HS1BP3: variants seen among roughly 807,000 people sequenced by gnomAD.
The protein encoded by HS1BP3 is HCLS1-binding protein 3.
In HS1BP3, 32 loss-of-function variants were observed where a neutral mutation model predicts 33.5. The observed-to-expected ratio is 0.95, with a 90% confidence interval of 0.72 to 1.28. HS1BP3 has a LOEUF of 1.28. HS1BP3 is among the 50% of genes most tolerant of loss of function. The pLI is 0.00. For synonymous variants in HS1BP3, 187 were observed against 209.2 expected, an observed-to-expected ratio of 0.89 and a Z score of 0.92; for missense variants, 486 against 502.3, an observed-to-expected ratio of 0.97 and a Z score of 0.31.
downstream of HS1BP3, among the ~76,000 whole-genome samples, chr2:20,613,474 C>A (rs1694353933): frequency 6.6e-6 from 1 of 152,192 alleles, no homozygotes; most frequent in African/African-American, 2.4e-5. Flanking sequence ...CAGGGAAGGC[C>A]TTCTCCAGAG....
chr2:20,570,009 T>C (rs1471984352), intron 5 of HS1BP3, among the ~76,000 whole-genome samples: 3 of 152,154 alleles, frequency 2.0e-5, no homozygotes, highest in African/African-American at 7.2e-5. Context: ...GGCCTCAGCC[T>C]GAGAGAAGCA....
chr2:20,639,272 C>A (rs911592890), intron 3 of HS1BP3, among the ~76,000 whole-genome samples: 1 of 152,216 alleles, frequency 6.6e-6, no homozygotes, highest in Non-Finnish European at 1.5e-5. Flanking sequence ...GAGAATGCCC[C>A]CTGTGTGACC....
At chr2:20,606,624 CT>C in intron 2 of HS1BP3, 1 of 476,464 alleles carries the variant, frequency 2.1e-6, no homozygotes. Flanking sequence ...TTTCCAGCGT[CT>C]TTCTTCTTCT....
At chr2:20,632,664 T>A (rs568236523) in intron 4 of HS1BP3, among the ~76,000 whole-genome samples, 1 of 152,210 alleles carries the variant, frequency 6.6e-6, no homozygotes, top group South Asian at 2.1e-4. Context: ...TGGGGGAGCC[T>A]GAGGCGGGAA....
intron 5 of HS1BP3, among the ~76,000 whole-genome samples, chr2:20,571,756 C>T (rs545758799): frequency 1.3e-5 from 2 of 152,240 alleles, no homozygotes; most frequent in African/African-American, 4.8e-5. Flanking sequence ...TTCCCTGGAG[C>T]CTGCTGAGTG....
At chr2:20,610,904 C>G (rs1195893061) in intron 2 of HS1BP3, among the ~76,000 whole-genome samples, 2 of 152,244 alleles carry the variant, frequency 1.3e-5, no homozygotes, top group African/African-American at 4.8e-5. Flanking sequence ...CACAGCGTAG[C>G]ACACTTCCAT....
Position 20,623,898 on chromosome 2 carries a change from G to A in HS1BP3, c.918C>T (p.Phe306=), listed in dbSNP as rs1694683354. 1 of 1,611,722 alleles carries A rather than the reference G, an allele frequency of 6.2e-7. No homozygotes were observed. Among genetic ancestry groups the A allele is most frequent in the Non-Finnish European group, 8.5e-7 (1 of 1,179,782 alleles). ...LSHRDASKEL[F]RVEEDLDQIL... ...GCGCCGCTGGGGACAGGTGGTACCT[G>A]AACAGTTCCTTGGAGGCGTCCCTGT... is the stretch of plus-strand genomic sequence containing the variant. The change falls in exon 6 of 7, where the codon TTC becomes TTT. Residue 306 remains phenylalanine (F), a splice_region_variant and synonymous_variant. Transcript: ENST00000304031.
At chr2:20,554,556 C>A in the HS1BP3 span, among the ~76,000 whole-genome samples, 1 of 152,138 alleles carries the variant, frequency 6.6e-6, no homozygotes, top group Non-Finnish European at 1.5e-5. Flanking sequence ...AAACCCGTTT[C>A]TACTAAAACT....
Position 20,582,418 on chromosome 2 carries a change from G to T in HS1BP3, c.303-21903C>A, listed in dbSNP as rs559894066. 2.0e-5 allele frequency among the ~76,000 whole-genome samples: 3 copies of T among 152,140 alleles called. No individual in the cohort carries two copies. The South Asian group carries it at 6.2e-4, about 32-fold the overall frequency. ...GATTGGTAGGGGAGAGCTGTCCTAG[G>T]GGGAGGGTGGGCCTCTCAGGCAGCA... On this transcript the variant is annotated intron_variant, in intron 5 of 5. Coordinates refer to the HS1BP3 transcript ENST00000446825.
At chr2:20,561,711 A>G (rs1178055158) in intron 5 of HS1BP3, among the ~76,000 whole-genome samples, 1 of 152,218 alleles carries the variant, frequency 6.6e-6, no homozygotes, top group Non-Finnish European at 1.5e-5. Flanking sequence ...CTGTGATGTA[A>G]TAAGAAATAT....
At chr2:20,645,653 C>G (rs2304424) in intron 1 of HS1BP3, 148 bp from the exon 2 acceptor site, 138,303 of 752,274 alleles carry the variant, frequency 0.18, 14,239 homozygotes, top group Non-Finnish European at 0.2. Context: ...TCCAGGCCAC[C>G]CATCCCGCCA....
chr2:20,570,932 C>G (rs1693251420), intron 5 of HS1BP3, among the ~76,000 whole-genome samples: 1 of 152,144 alleles, frequency 6.6e-6, no homozygotes. Flanking sequence ...CAGATGCCGG[C>G]TGGGAGCTTG....
intron 5 of HS1BP3, among the ~76,000 whole-genome samples, chr2:20,580,101 G>A (rs1327906470): frequency 6.6e-6 from 1 of 152,262 alleles, no homozygotes; most frequent in Non-Finnish European, 1.5e-5. Context: ...CAGCCCCAAG[G>A]GGGCAAGGAC....
At chr2:20,559,251 A>G (rs186307193), downstream of HS1BP3, among the ~76,000 whole-genome samples, 51 of 152,286 alleles carry the variant, frequency 3.3e-4, no homozygotes, top group African/African-American at 1.2e-3. Context: ...CTAATCCTCC[A>G]GGCAGGTTGG....
intron 1 of HS1BP3, among the ~76,000 whole-genome samples, chr2:20,648,068 C>A (rs1266518958): frequency 1.3e-5 from 2 of 152,204 alleles, no homozygotes; most frequent in Non-Finnish European, 2.9e-5. Flanking sequence ...AACCTTCTAC[C>A]AGGGCAGCGG....
intron 2 of HS1BP3, among the ~76,000 whole-genome samples, chr2:20,602,415 T>C (rs1694090405): frequency 6.6e-6 from 1 of 152,186 alleles, no homozygotes; most frequent in Admixed American, 6.5e-5. Flanking sequence ...GATGCATACT[T>C]TCATTTTGCT....
At chr2:20,604,449 G>A (rs903982354) in intron 2 of HS1BP3, among the ~76,000 whole-genome samples, 11 of 152,172 alleles carry the variant, frequency 7.2e-5, no homozygotes, top group African/African-American at 2.7e-4. Context: ...TTAGAGACAG[G>A]TCGACTGAGG....
At chr2:20,591,576 T>G (rs570035311), downstream of HS1BP3, among the ~76,000 whole-genome samples, 2 of 151,992 alleles carry the variant, frequency 1.3e-5, no homozygotes, top group South Asian at 2.1e-4. Flanking sequence ...ACCATTGTGT[T>G]TGTTTGTTTT....
In HS1BP3 at chr2:20,574,593, A is replaced by G. The variant is rs115704596; in HGVS notation, c.303-14078T>C. 7.7e-3 allele frequency among the ~76,000 whole-genome samples: 1,179 copies of G among 152,272 alleles called. 16 individuals are homozygous for G. Among genetic ancestry groups the G allele is most frequent in the African/African-American group, 0.027 (1,102 of 41,548 alleles). ...ATCACTGGGAAGGAATGAGTGCTGC[A>G]TGGCCAGGAAAAATGAGTGACTGTA... On this transcript the variant is annotated intron_variant, in intron 5 of 5. Coordinates refer to the HS1BP3 transcript ENST00000446825.
Sources: allele counts gnomAD v4.1 joint callset (sites outside exome capture counted in the v4.1 genomes callset), GRCh38; gene constraint gnomAD v4.1.1; transcripts MANE v1.5; gene names NCBI Gene and HGNC (gene_info 2026-07-23, HGNC 2026-07-21).